Variants in CLDN10 observed in about 807,000 individuals in gnomAD.
The protein encoded by CLDN10 is claudin-10.
A neutral mutation model predicts 22.9 loss-of-function variants in CLDN10; 15 were observed. The ratio of observed to expected loss-of-function variants is 0.65; its 90% CI spans 0.44 to 1.01. The LOEUF (loss-of-function observed/expected upper bound fraction) is 1.01. CLDN10 is among the 50% of genes least tolerant of loss of function. The pLI, the probability that CLDN10 is intolerant of heterozygous loss-of-function variation, is 0.00. For missense variants in CLDN10, 247 were observed against 287.8 expected (o/e 0.86, Z 1.03); for synonymous variants, 114 against 111.4 (o/e 1.02, Z -0.15).
At chr13:95,556,441 A>G (rs1413914880) in intron 1 of CLDN10, among the ~76,000 whole-genome samples, 1 of 152,198 alleles carries the variant, frequency 6.6e-6, no homozygotes, top group African/African-American at 2.4e-5. Context: ...TAGCAAAGCT[A>G]TATGTCTAGA....
intron 1 of CLDN10, among the ~76,000 whole-genome samples, chr13:95,491,418 T>C (rs1259217754): frequency 6.6e-6 from 1 of 152,062 alleles, no homozygotes; most frequent in African/African-American, 2.4e-5. Context: ...GTCTTCAAGC[T>C]CTGAATTTCT....
At chr13:95,529,333 G>T (rs1233560196) in intron 1 of CLDN10, among the ~76,000 whole-genome samples, 1 of 152,010 alleles carries the variant, frequency 6.6e-6, no homozygotes, top group East Asian at 1.9e-4. Flanking sequence ...GATCTTCTGG[G>T]ATACTTCTAG....
chr13:95,467,512 C>T (rs1472756034), intron 1 of CLDN10, among the ~76,000 whole-genome samples: 2 of 140,134 alleles, frequency 1.4e-5, no homozygotes, highest in African/African-American at 5.1e-5. Context: ...AATTACCCCT[C>T]CCTCTATTGT....
At chr13:95,561,772 T>A (rs1406907680) in intron 3 of CLDN10, among the ~76,000 whole-genome samples, 3 of 151,704 alleles carry the variant, frequency 2.0e-5, no homozygotes, top group African/African-American at 7.3e-5. Flanking sequence ...TCCTTTTTTT[T>A]TTTTTTTTTA....
intron 1 of CLDN10, among the ~76,000 whole-genome samples, chr13:95,489,440 C>T (rs760139225): frequency 2.0e-5 from 3 of 151,846 alleles, no homozygotes; most frequent in Non-Finnish European, 4.4e-5. Flanking sequence ...GAGGTGGTAT[C>T]GCATTGTGGT....
At chr13:95,493,221 C>T (rs1027639670) in intron 1 of CLDN10, among the ~76,000 whole-genome samples, 1 of 152,146 alleles carries the variant, frequency 6.6e-6, no homozygotes, top group African/African-American at 2.4e-5. Flanking sequence ...CAGGTACCTT[C>T]CCTGCCCCAC....
At chr13:95,448,438 T>C (rs190803348) in intron 1 of CLDN10, among the ~76,000 whole-genome samples, 78 of 152,238 alleles carry the variant, frequency 5.1e-4, no homozygotes, top group African/African-American at 1.8e-3. Flanking sequence ...ACATACACCA[T>C]GCACCTTGCA....
upstream of CLDN10, among the ~76,000 whole-genome samples, chr13:95,547,875 T>C (rs2043525635): frequency 6.6e-6 from 1 of 152,168 alleles, no homozygotes; most frequent in Non-Finnish European, 1.5e-5. Context: ...CACCTTTAAA[T>C]TTAACAAAGG....
chr13:95,577,979 C>G lies in CLDN10; in HGVS notation c.652C>G (p.Pro218Ala). 4 of 1,612,994 alleles carry G rather than the reference C, an allele frequency of 2.5e-6. No homozygotes were observed. Among genetic ancestry groups the G allele is most frequent in the Non-Finnish European group, 3.4e-6 (4 of 1,179,158 alleles). ...TGGAGAAGATTTTAAAACAACAAAC[C>G]CTTCAAAACAGTTTGATAAAAATGC... ...HGGEDFKTTN[P>A]SKQFDKNAYV Residue 218 changes from proline (P) to alanine (A), a missense_variant, in exon 5 of 5, where the codon CCT (proline) becomes GCT (alanine). By Grantham distance (27) the Pro-to-Ala change is conservative (BLOSUM62 -1). Coordinates refer to ENST00000299339, the MANE Select transcript of CLDN10 (RefSeq NM_006984.5).
At chr13:95,555,697 A>T (rs978717099) in intron 1 of CLDN10, among the ~76,000 whole-genome samples, 1 of 152,178 alleles carries the variant, frequency 6.6e-6, no homozygotes, top group African/African-American at 2.4e-5. Flanking sequence ...ACTTTTCTGT[A>T]TCTCTCAGAA....
chr13:95,462,918 G>T (rs1180110495), intron 1 of CLDN10, among the ~76,000 whole-genome samples: 1 of 152,252 alleles, frequency 6.6e-6, no homozygotes, highest in East Asian at 1.9e-4. Context: ...CAATCTACGG[G>T]CTCAGGGATA....
chr13:95,512,579 A>C (rs1036210519), intron 1 of CLDN10, among the ~76,000 whole-genome samples: 1 of 152,204 alleles, frequency 6.6e-6, no homozygotes, highest in African/African-American at 2.4e-5. Flanking sequence ...AGTTTGTGCC[A>C]CACAGGATGC....
intron 1 of CLDN10, among the ~76,000 whole-genome samples, chr13:95,448,682 G>A (rs1036810240): frequency 6.7e-6 from 1 of 149,110 alleles, no homozygotes; most frequent in Non-Finnish European, 1.5e-5. Context: ...TAGAAGTGAC[G>A]TTCCATCACA....
chr13:95,555,976 T>C (rs1436211183), intron 1 of CLDN10, among the ~76,000 whole-genome samples: 2 of 152,180 alleles, frequency 1.3e-5, no homozygotes, highest in African/African-American at 4.8e-5. Flanking sequence ...AGAAGGCTCG[T>C]GACTCTTGCC....
intron 1 of CLDN10, among the ~76,000 whole-genome samples, chr13:95,498,206 C>T (rs530040206): frequency 1.3e-5 from 2 of 152,264 alleles, no homozygotes; most frequent in African/African-American, 4.8e-5. Flanking sequence ...GCATGACTAT[C>T]CTGCCTTCTC....
At chr13:95,568,713 T>A (rs2043816716) in intron 3 of CLDN10, among the ~76,000 whole-genome samples, 1 of 152,184 alleles carries the variant, frequency 6.6e-6, no homozygotes, top group South Asian at 2.1e-4. Context: ...CTTTGGAATC[T>A]CTTGTAGAGG....
chr13:95,556,961 T>C (rs2043647703), intron 1 of CLDN10, among the ~76,000 whole-genome samples: 1 of 152,252 alleles, frequency 6.6e-6, no homozygotes, highest in Non-Finnish European at 1.5e-5. Flanking sequence ...TTAAAGTCAC[T>C]GTATTTTACT....
At chr13:95,464,330 C>A (rs1005016103) in intron 1 of CLDN10, among the ~76,000 whole-genome samples, 1 of 152,120 alleles carries the variant, frequency 6.6e-6, no homozygotes, top group Admixed American at 6.5e-5. Flanking sequence ...CAATTCCCAC[C>A]TATGAGTGAG....
chr13:95,555,886 A>G (rs1594609683), intron 1 of CLDN10, among the ~76,000 whole-genome samples: 1 of 152,138 alleles, frequency 6.6e-6, no homozygotes, highest in Admixed American at 6.5e-5. Context: ...GAAAGTGGCC[A>G]TGGTGGCCTG....
Sources: allele counts gnomAD v4.1 joint callset (sites outside exome capture counted in the v4.1 genomes callset), GRCh38; gene constraint gnomAD v4.1.1; transcripts MANE v1.5; gene names NCBI Gene and HGNC (gene_info 2026-07-23, HGNC 2026-07-21).